PTPRD: variants seen among roughly 807,000 people sequenced by gnomAD.
The protein encoded by PTPRD is protein tyrosine phosphatase receptor type D.
PTPRD carries 34 observed loss-of-function variants against 214.5 expected under a neutral mutation model. The ratio of observed to expected loss-of-function variants is 0.16; its 90% CI spans 0.12 to 0.21. PTPRD has a LOEUF of 0.21. Among genes scored for constraint, PTPRD ranks in the 10% least tolerant of loss-of-function variants. The pLI, the probability that PTPRD is intolerant of heterozygous loss-of-function variation, is 1.00. For synonymous variants in PTPRD, 1,128 were observed against 845.7 expected, an observed-to-expected ratio of 1.33 and a Z score of -5.79; for missense variants, 2,545 against 2,398.7, an observed-to-expected ratio of 1.06 and a Z score of -1.27.
At chr9:8,970,413 T>C (rs1404807745) in intron 11 of PTPRD, among the ~76,000 whole-genome samples, 1 of 151,902 alleles carries the variant, frequency 6.6e-6, no homozygotes, top group Non-Finnish European at 1.5e-5. Context: ...GAAAAAATTC[T>C]GCAAAACCAA....
chr9:9,916,502 T>A (rs141180956), intron 5 of PTPRD, among the ~76,000 whole-genome samples: 1 of 151,982 alleles, frequency 6.6e-6, no homozygotes, highest in African/African-American at 2.4e-5. Flanking sequence ...ATTGGTTGAA[T>A]AGATTTTTAA....
chr9:8,992,023 A>C (rs759949265), intron 11 of PTPRD, among the ~76,000 whole-genome samples: 1 of 152,078 alleles, frequency 6.6e-6, no homozygotes, highest in East Asian at 1.9e-4. Flanking sequence ...TGAGAGTGAG[A>C]AGGATGGTGA....
At chr9:9,452,356 A>G (rs1387536083) in intron 8 of PTPRD, among the ~76,000 whole-genome samples, 1 of 151,550 alleles carries the variant, frequency 6.6e-6, no homozygotes, top group African/African-American at 2.4e-5. Context: ...TTTACTACCA[A>G]TCATTTCTCA....
intron 11 of PTPRD, among the ~76,000 whole-genome samples, chr9:8,928,764 C>G (rs2098922948): frequency 6.6e-6 from 1 of 152,098 alleles, no homozygotes; most frequent in Non-Finnish European, 1.5e-5. Flanking sequence ...AGCACTGAAT[C>G]TATAAATTAC....
At chr9:8,935,025 A>T (rs2098987236) in intron 11 of PTPRD, among the ~76,000 whole-genome samples, 1 of 152,156 alleles carries the variant, frequency 6.6e-6, no homozygotes, top group African/African-American at 2.4e-5. Context: ...ATATACACAC[A>T]CAGAGAGATA....
intron 22 of PTPRD, among the ~76,000 whole-genome samples, chr9:8,505,894 T>C (rs1046062160): frequency 6.6e-6 from 1 of 152,218 alleles, no homozygotes; most frequent in Non-Finnish European, 1.5e-5. Flanking sequence ...GTGGTCGTGA[T>C]GAAGGTTTAA....
intron 3 of PTPRD, among the ~76,000 whole-genome samples, chr9:10,195,948 G>C (rs2099396341): frequency 6.6e-6 from 1 of 152,076 alleles, no homozygotes; most frequent in South Asian, 2.1e-4. Flanking sequence ...TTGTTGAAAA[G>C]GCAAATCAGT....
chr9:9,186,803 T>C (rs1007107710), intron 9 of PTPRD, among the ~76,000 whole-genome samples: 4 of 152,078 alleles, frequency 2.6e-5, no homozygotes, highest in Admixed American at 2.6e-4. Context: ...AAATAGCCTT[T>C]CATTTAGTGT....
At chr9:8,916,735 G>A (rs1042321244) in intron 11 of PTPRD, among the ~76,000 whole-genome samples, 2 of 152,164 alleles carry the variant, frequency 1.3e-5, no homozygotes, top group African/African-American at 4.8e-5. Context: ...TTGAATGCCT[G>A]ACATCATTCC....
At chr9:9,644,462 T>C (rs1443031687) in intron 7 of PTPRD, among the ~76,000 whole-genome samples, 1 of 152,228 alleles carries the variant, frequency 6.6e-6, no homozygotes, top group African/African-American at 2.4e-5. Context: ...TTGGTCTGAA[T>C]AAAGATTTCC....
At chr9:8,844,448 T>C (rs910305213) in intron 11 of PTPRD, among the ~76,000 whole-genome samples, 2 of 152,106 alleles carry the variant, frequency 1.3e-5, no homozygotes, top group Non-Finnish European at 2.9e-5. Flanking sequence ...ATATGAACAA[T>C]AGTCACTGAG....
chr9:9,367,584 G>A (rs755351187), intron 9 of PTPRD, among the ~76,000 whole-genome samples: 1 of 151,432 alleles, frequency 6.6e-6, no homozygotes, highest in Admixed American at 6.6e-5. Context: ...ATATTAGAAT[G>A]AGTAACTATC....
intron 3 of PTPRD, among the ~76,000 whole-genome samples, chr9:10,295,094 T>A (rs567356142): frequency 6.6e-6 from 1 of 152,082 alleles, no homozygotes; most frequent in Non-Finnish European, 1.5e-5. Context: ...CTTTAATCAT[T>A]GTTGAAAATC....
intron 2 of PTPRD, among the ~76,000 whole-genome samples, chr9:10,520,936 G>A (rs966261338): frequency 2.0e-5 from 3 of 151,282 alleles, no homozygotes; most frequent in Non-Finnish European, 4.4e-5. Context: ...GCATCTAGTT[G>A]CCAAGGTGCA....
intron 10 of PTPRD, among the ~76,000 whole-genome samples, chr9:9,171,132 T>A (rs1199189520): frequency 6.6e-6 from 1 of 152,120 alleles, no homozygotes; most frequent in African/African-American, 2.4e-5. Flanking sequence ...TCTCGTTAAC[T>A]CTCTGCTTTA....
intron 10 of PTPRD, among the ~76,000 whole-genome samples, chr9:9,085,431 G>C (rs1000484096): frequency 2.6e-5 from 4 of 152,148 alleles, no homozygotes; most frequent in African/African-American, 4.8e-5. Flanking sequence ...TGTAAGCTTT[G>C]ACGGGTACTA....
chr9:9,645,661 G>T (rs1043011900), intron 7 of PTPRD, among the ~76,000 whole-genome samples: 3 of 151,406 alleles, frequency 2.0e-5, no homozygotes, highest in African/African-American at 4.9e-5. Context: ...CCCCTTTCTT[G>T]CTTTCCTCTG....
intron 5 of PTPRD, among the ~76,000 whole-genome samples, chr9:9,793,860 G>C (rs1258610855): frequency 6.6e-6 from 1 of 151,956 alleles, no homozygotes; most frequent in Non-Finnish European, 1.5e-5. Context: ...AAAAAGTTTT[G>C]AGGATAAAAT....
intron 10 of PTPRD, among the ~76,000 whole-genome samples, chr9:9,080,141 AT>A (rs2099756977): frequency 6.6e-6 from 1 of 152,046 alleles, no homozygotes; most frequent in Non-Finnish European, 1.5e-5. Context: ...AATGCATTAT[AT>A]TACTCATTTC....
Sources: allele counts gnomAD v4.1 joint callset (sites outside exome capture counted in the v4.1 genomes callset), GRCh38; gene constraint gnomAD v4.1.1; transcripts MANE v1.5; gene names NCBI Gene and HGNC (gene_info 2026-07-23, HGNC 2026-07-21).